Variants in CHCHD7 observed in about 807,000 individuals in gnomAD.
CHCHD7 encodes coiled-coil-helix-coiled-coil-helix domain-containing protein 7.
In CHCHD7, 7 loss-of-function variants were observed where a neutral mutation model predicts 10.5. That is an observed-to-expected ratio of 0.67 (90% CI 0.38 to 1.25). CHCHD7 has a LOEUF of 1.25. CHCHD7 is among the 50% of genes most tolerant of loss of function. The pLI is 0.02. For missense variants in CHCHD7, 100 were observed against 104.5 expected, an observed-to-expected ratio of 0.96 and a Z score of 0.19; for synonymous variants, 40 against 36.0, an observed-to-expected ratio of 1.11 and a Z score of -0.40.
At position 56,217,553 on chromosome 8, in the gene CHCHD7, T is replaced by G; in HGVS notation, c.*118T>G. Reference sequence around the variant, plus strand: ...CCAGACAGACCTTAAGTTCTTCAAGTGGAGACAGTGAAGTCACCCCGTGTC... The same window carrying G: ...CCAGACAGACCTTAAGTTCTTCAAGGGGAGACAGTGAAGTCACCCCGTGTC... On this transcript the variant is annotated 3_prime_UTR_variant, in exon 4 of 4. Transcript: ENST00000355315. The G allele has an allele frequency of 1.6e-6, 1 of 622,068 alleles. No homozygotes were observed. Among genetic ancestry groups the G allele is most frequent in the Non-Finnish European group, 2.8e-6 (1 of 362,150 alleles). 38.5% of individuals were successfully genotyped at this position (622,068 alleles called of 1,614,324 possible).
intron 1 of CHCHD7, chr8:56,213,992 T>A (rs1813187775): frequency 6.6e-6 from 1 of 152,268 alleles, no homozygotes; most frequent in African/African-American, 2.4e-5. Context: ...GAATGCATAC[T>A]GTATTCTTAG....
chr8:56,213,649 T>C (rs1813162203), intron 1 of CHCHD7: 1 of 152,226 alleles, frequency 6.6e-6, no homozygotes, highest in Non-Finnish European at 1.5e-5. Flanking sequence ...CTCGGCCTCC[T>C]AAACTTTTGC....
chr8:56,217,589 G>T lies in CHCHD7; in HGVS notation c.*154G>T, dbSNP rs1178744883. 1.9e-6 allele frequency: 1 copy of T among 530,414 alleles called. No individual in the cohort carries two copies. The highest frequency in any genetic ancestry group is 2.3e-5 in the South Asian group (1 of 42,964). 32.9% of individuals were successfully genotyped at this position (530,414 alleles called of 1,614,324 possible). On this transcript the variant is annotated 3_prime_UTR_variant, in exon 4 of 4. Coordinates refer to ENST00000355315, the MANE Select transcript of CHCHD7 (RefSeq NM_001011671.3). Reference sequence around the variant, plus strand: ...AAGTCACCCCGTGTCCTTTTTGCTTGCTCTCAGTGCCATGCCGATGGTATG... The same window carrying T: ...AAGTCACCCCGTGTCCTTTTTGCTTTCTCTCAGTGCCATGCCGATGGTATG...
chr8:56,217,442 G>A lies in CHCHD7; in HGVS notation c.*7G>A, dbSNP rs774914546. The A allele has an allele frequency of 7.5e-6, 11 of 1,473,104 alleles. No individual in the cohort carries two copies. The Admixed American group carries it at 8.4e-5, about 11-fold the overall frequency. The allele number at this position is 1,473,104 out of a possible 1,614,324, so 91.3% of individuals were successfully genotyped here. On this transcript the variant is annotated 3_prime_UTR_variant, in exon 4 of 4. Transcript: ENST00000355315. The stretch of plus-strand genomic sequence containing the variant: ...GGGAAATATGCCCTATTGAATGTTT[G>A]CATTAAAAGTGTTTATATAACTTAG...
chr8:56,218,271 A>C lies in CHCHD7; in HGVS notation c.*836A>C, dbSNP rs1813476363. The C allele has an allele frequency of 4.4e-6, 1 of 229,192 alleles. No individual in the cohort carries two copies. The highest frequency in any genetic ancestry group is 8.6e-6 in the Non-Finnish European group (1 of 115,686). The allele number at this position is 229,192 out of a possible 1,614,324, so 14.2% of individuals were successfully genotyped here. ...TTCATCAGGTGAACTCAACACTGGG[A>C]TGAGACTAGAACTTCACTTTATGAT... On this transcript the variant is annotated 3_prime_UTR_variant, in exon 4 of 4. Coordinates refer to ENST00000355315, the MANE Select transcript of CHCHD7 (RefSeq NM_001011671.3).
chr8:56,213,432 C>CT (rs1813144310), intron 1 of CHCHD7: 1 of 151,752 alleles, frequency 6.6e-6, no homozygotes, highest in Non-Finnish European at 1.5e-5. Flanking sequence ...ACTGCTGTCG[C>CT]TTGGGCTGGA....
chr8:56,212,767 A>G, intron 1 of CHCHD7: 6 of 830,838 alleles, frequency 7.2e-6, no homozygotes, highest in Non-Finnish European at 1.3e-5. Flanking sequence ...TCCAGTTAAT[A>G]CACGAGGAAC....
intron 3 of CHCHD7, 34 bp downstream of exon 3, chr8:56,216,565 C>T: frequency 6.2e-7 from 1 of 1,612,852 alleles, no homozygotes; most frequent in East Asian, 2.2e-5. Flanking sequence ...GTGTTAAAAC[C>T]CATCTCCTAG....
chr8:56,217,067 T>C (rs1017644670), intron 3 of CHCHD7, among the ~76,000 whole-genome samples: 1 of 152,372 alleles, frequency 6.6e-6, no homozygotes, highest in Admixed American at 6.5e-5. Context: ...CTGTATATAC[T>C]TTTGTACTTT....
intron 1 of CHCHD7, chr8:56,212,908 A>G: frequency 6.3e-7 from 1 of 1,584,292 alleles, no homozygotes; most frequent in South Asian, 1.1e-5. Flanking sequence ...GATGTTACCT[A>G]GGTATTATTT....
At chr8:56,213,483 C>G (rs2129239835) in intron 1 of CHCHD7, 1 of 152,362 alleles carries the variant, frequency 6.6e-6, no homozygotes, top group East Asian at 1.9e-4. Flanking sequence ...CCTCTGCTTC[C>G]CAAGTTCAGG....
intron 1 of CHCHD7, chr8:56,212,647 A>G: frequency 1.9e-6 from 1 of 525,592 alleles, no homozygotes; most frequent in Non-Finnish European, 3.4e-6. Flanking sequence ...AGAGCCTTGT[A>G]ACATTTATTT....
At chr8:56,214,947 C>A in intron 2 of CHCHD7, 1 of 286,614 alleles carries the variant, frequency 3.5e-6, no homozygotes, top group Non-Finnish European at 6.7e-6. Flanking sequence ...AATATTTAGT[C>A]CAAACATGGA....
intron 1 of CHCHD7, chr8:56,212,967 G>T: frequency 1.8e-6 from 2 of 1,082,524 alleles, no homozygotes; most frequent in Admixed American, 3.7e-5. Flanking sequence ...ATACTTTCAT[G>T]TAAGGCACGA....
rs1322624547 is a variant in CHCHD7, at chr8:56,217,607, A to T, written c.*172A>T. 5.9e-6 allele frequency: 3 copies of T among 509,186 alleles called. No homozygotes were observed. The highest frequency in any genetic ancestry group is 7.0e-6 in the Non-Finnish European group (2 of 284,326). The allele number at this position is 509,186 out of a possible 1,614,324, so 31.5% of individuals were successfully genotyped here. A position where few individuals can be genotyped will look rare whatever the true frequency, so the allele number is the denominator to read the frequency against. On this transcript the variant is annotated 3_prime_UTR_variant, in exon 4 of 4. Transcript: ENST00000355315. ...TTTGCTTGCTCTCAGTGCCATGCCG[A>T]TGGTATGTTGCTGTTGGCTGTGTTG...
chr8:56,216,449 C>T lies in CHCHD7; in HGVS notation c.71C>T (p.Thr24Ile), dbSNP rs925708806. 3.7e-6 allele frequency: 6 copies of T among 1,612,680 alleles called. No homozygotes were observed. The Admixed American group carries it at 8.3e-5, about 22-fold the overall frequency. Residue 24 changes from threonine to isoleucine, a missense_variant, in exon 3 of 4, where the codon ACC becomes ATC. Thr to Ile is a moderately conservative substitution (Grantham distance 89). Transcript: ENST00000355315. Reference sequence around the variant, plus strand: ...ATCTGTAAGGAATCTGATGCTTCCACCAGATGTCTGGATGAAAATAACTAT... The same window carrying T: ...ATCTGTAAGGAATCTGATGCTTCCATCAGATGTCTGGATGAAAATAACTAT... ...NPCLSESDASTRCLDENNYDR... is the reference protein window; with the variant it reads ...NPCLSESDASIRCLDENNYDR...
At chr8:56,215,373 T>C (rs544936112) in intron 2 of CHCHD7, 2 of 152,316 alleles carry the variant, frequency 1.3e-5, no homozygotes, top group African/African-American at 4.8e-5. Flanking sequence ...AGCTTTCCTT[T>C]AGATCTGTGT....
intron 3 of CHCHD7, 48 bp from the exon 4 acceptor site, chr8:56,217,283 C>T (rs760764218): frequency 5.4e-6 from 6 of 1,110,316 alleles, no homozygotes; most frequent in South Asian, 4.0e-5. Context: ...GCATTTAATA[C>T]ATGACTGATT....
Position 56,216,374 on chromosome 8 carries a change from T to A in CHCHD7, c.55-59T>A, listed in dbSNP as rs751661057. 5.0e-6 allele frequency: 8 copies of A among 1,600,808 alleles called. No homozygotes were observed. In the Admixed American group the frequency reaches 1.4e-4, roughly 28 times the overall value. ...TGGGGAAGCAGCTTTTGTTTGTTTG[T>A]TTGTTTGCTTTTAGATCCTGTTCTA... On this transcript the variant is annotated intron_variant, in intron 2 of 3. Coordinates refer to ENST00000355315, the MANE Select transcript of CHCHD7 (RefSeq NM_001011671.3).
Sources: gnomAD v4.1 joint callset for allele counts (sites outside exome capture counted in the v4.1 genomes callset) on GRCh38, gnomAD v4.1.1 for gene constraint, MANE v1.5 for transcripts, NCBI Gene and HGNC (gene_info 2026-07-23, HGNC 2026-07-21) for gene names.